The following PLB1 variants were observed in gnomAD, a reference collection of about 807,000 sequenced individuals.
PLB1 encodes the protein phospholipase B1, membrane-associated.
In PLB1, 242 loss-of-function variants were observed where a neutral mutation model predicts 227.4. That is an observed-to-expected ratio of 1.06 (90% CI 0.96 to 1.18). The LOEUF (loss-of-function observed/expected upper bound fraction) is 1.18. PLB1 is among the 50% of genes most tolerant of loss of function. The probability of loss-of-function intolerance (pLI) is 0.00; values close to 1 mark genes in which losing one functional copy is unlikely to be tolerated. For synonymous variants in PLB1, 757 were observed against 682.2 expected, an observed-to-expected ratio of 1.11 and a Z score of -1.71; for missense variants, 1,858 against 1,816.3, an observed-to-expected ratio of 1.02 and a Z score of -0.42.
At chr2:28,559,760 T>C (rs1428096489) in intron 17 of PLB1, among the ~76,000 whole-genome samples, 1 of 141,974 alleles carries the variant, frequency 7.0e-6, no homozygotes, top group East Asian at 2.1e-4. Context: ...TTTTTTTTTT[T>C]TTTTTTTTTG....
chr2:28,618,115 A>G (rs568541450), intron 45 of PLB1, among the ~76,000 whole-genome samples: 89 of 152,298 alleles, frequency 5.8e-4, no homozygotes, highest in Admixed American at 1.4e-3. Flanking sequence ...GACCACCCCA[A>G]TGTCAATCAG....
intron 4 of PLB1, among the ~76,000 whole-genome samples, chr2:28,522,765 C>A (rs1251271813): frequency 6.6e-6 from 1 of 152,196 alleles, no homozygotes; most frequent in African/African-American, 2.4e-5. Context: ...CCTCCCAGCC[C>A]CAGGATCATT....
chr2:28,509,908 G>A (rs756751842), intron 1 of PLB1, among the ~76,000 whole-genome samples: 28 of 152,190 alleles, frequency 1.8e-4, no homozygotes, highest in Middle Eastern at 6.8e-3. Flanking sequence ...GGCCCATGTC[G>A]CTCCAAGGGT....
In PLB1 at chr2:28,601,296, C is replaced by G. The variant is rs143535260; in HGVS notation, c.2571C>G (p.Ile857Met). The change falls in exon 37 of 58, where the codon ATC becomes ATG. Residue 857 changes from isoleucine to methionine, a missense_variant. Physicochemically the swap from Ile to Met is conservative, Grantham distance 10 (BLOSUM62 1). Coordinates refer to ENST00000327757, the MANE Select transcript of PLB1 (RefSeq NM_153021.5). ...ACTGGAAGGTCATCACAGTGCTGAT[C>G]GGAGGCAGCGATTTATGTGACTACT... is the stretch of plus-strand genomic sequence containing the variant. The part of the protein sequence containing the change: ...HEDWKVITVL[I>M]GGSDLCDYCT... 1 of 1,614,076 alleles carries G rather than the reference C, an allele frequency of 6.2e-7. No homozygotes were observed. Among genetic ancestry groups the G allele is most frequent in the East Asian group, 2.2e-5 (1 of 44,884 alleles).
chr2:28,542,169 G>A (rs1672598999), intron 13 of PLB1, among the ~76,000 whole-genome samples: 1 of 151,284 alleles, frequency 6.6e-6, no homozygotes, highest in African/African-American at 2.4e-5. Flanking sequence ...GTGTGGTGGG[G>A]AGGAGGCCTG....
intron 8 of PLB1, among the ~76,000 whole-genome samples, chr2:28,530,656 C>A (rs779615335): frequency 6.6e-6 from 1 of 152,158 alleles, no homozygotes. Context: ...TTTGTGTTGC[C>A]CTTATGGGCA....
chr2:28,609,324 T>C (rs1309801179), intron 43 of PLB1, among the ~76,000 whole-genome samples: 1 of 152,146 alleles, frequency 6.6e-6, no homozygotes, highest in African/African-American at 2.4e-5. Context: ...TCTCTCAATC[T>C]GTGTCTTCAT....
At chr2:28,618,126 G>A (rs1686454630) in intron 45 of PLB1, among the ~76,000 whole-genome samples, 1 of 152,200 alleles carries the variant, frequency 6.6e-6, no homozygotes, top group South Asian at 2.1e-4. Context: ...TGTCAATCAG[G>A]CTCTTCTGAG....
At chr2:28,611,655 T>G (rs916683570) in intron 43 of PLB1, among the ~76,000 whole-genome samples, 5 of 152,214 alleles carry the variant, frequency 3.3e-5, no homozygotes, top group Admixed American at 6.5e-5. Flanking sequence ...TCAACCAGCA[T>G]GGGTCACTTG....
chr2:28,528,507 G>T (rs986120986), intron 6 of PLB1, among the ~76,000 whole-genome samples: 3 of 152,166 alleles, frequency 2.0e-5, no homozygotes, highest in African/African-American at 7.2e-5. Flanking sequence ...GGGCTGGAAG[G>T]CAGCCCGAGT....
chr2:28,614,483 G>T (rs1184754729), intron 44 of PLB1, among the ~76,000 whole-genome samples: 1 of 151,294 alleles, frequency 6.6e-6, no homozygotes, highest in East Asian at 1.9e-4. Context: ...TCTGGGGATG[G>T]GACCCAAAAG....
intron 44 of PLB1, among the ~76,000 whole-genome samples, chr2:28,617,135 C>T (rs1377439229): frequency 1.3e-5 from 2 of 152,136 alleles, no homozygotes; most frequent in East Asian, 3.8e-4. Flanking sequence ...GGGTTGCTTA[C>T]ATCAATTTAA....
At chr2:28,501,022 A>G (rs1667034677) in intron 1 of PLB1, among the ~76,000 whole-genome samples, 1 of 152,240 alleles carries the variant, frequency 6.6e-6, no homozygotes, top group African/African-American at 2.4e-5. Context: ...AGTGTTATTT[A>G]GAAACCAAGG....
chr2:28,589,888 A>G, intron 28 of PLB1, 117 bp from the exon 29 acceptor site: 2 of 1,357,706 alleles, frequency 1.5e-6, no homozygotes, highest in Middle Eastern at 1.8e-4. Context: ...CACGGCAATG[A>G]CAAACAAACC....
In PLB1 at chr2:28,519,707, C is replaced by G; in HGVS notation, c.187C>G (p.His63Asp). Reference protein sequence around the residue: ...LGVNMPSKSVHSLKPSDIKFV... With the variant: ...LGVNMPSKSVDSLKPSDIKFV... ...TATATGGGTTCTTGTCTCCACAGTT[C>G]ACTCTCTGAAGCCTTCTGATATTAA... Residue 63 changes from histidine (H) to aspartate (D), a missense_variant and splice_region_variant, in exon 4 of 58, where the codon CAC becomes GAC. His to Asp is a moderately conservative substitution (Grantham distance 81). Transcript: ENST00000327757. 1.2e-6 allele frequency: 2 copies of G among 1,608,586 alleles called. No individual in the cohort carries two copies. Among genetic ancestry groups the G allele is most frequent in the Non-Finnish European group, 1.7e-6 (2 of 1,175,244 alleles).
intron 20 of PLB1, 43 bp from the exon 21 acceptor site, chr2:28,573,154 C>T: frequency 6.7e-7 from 1 of 1,489,666 alleles, no homozygotes; most frequent in Non-Finnish European, 9.4e-7. Context: ...TTGAAGATTG[C>T]TTTGCAGTAG....
intron 43 of PLB1, among the ~76,000 whole-genome samples, chr2:28,608,955 C>G (rs913487526): frequency 6.6e-6 from 1 of 152,130 alleles, no homozygotes; most frequent in East Asian, 1.9e-4. Context: ...TGCTCCGTCT[C>G]CCAGGCTGGA....
chr2:28,596,330 G>A (rs535342295), intron 33 of PLB1, among the ~76,000 whole-genome samples: 6 of 152,224 alleles, frequency 3.9e-5, no homozygotes, highest in Admixed American at 1.3e-4. Flanking sequence ...ATATTTTTGC[G>A]CTTTTGTGTT....
intron 20 of PLB1, 31 bp from the exon 21 acceptor site, chr2:28,573,166 C>T: frequency 6.5e-7 from 1 of 1,545,994 alleles, no homozygotes; most frequent in Non-Finnish European, 8.9e-7. Context: ...TTGCAGTAGT[C>T]ACTAAGCGTG....
Sources: allele counts gnomAD v4.1 joint callset (sites outside exome capture counted in the v4.1 genomes callset), GRCh38; gene constraint gnomAD v4.1.1; transcripts MANE v1.5; gene names NCBI Gene and HGNC (gene_info 2026-07-23, HGNC 2026-07-21).